The following ZNF732 variants were observed in gnomAD, a reference collection of about 807,000 sequenced individuals.
ZNF732 encodes the protein zinc finger protein 732.
ZNF732 carries 12 observed loss-of-function variants against 11.5 expected under a neutral mutation model. The ratio of observed to expected loss-of-function variants is 1.05; its 90% CI spans 0.67 to 1.70. The LOEUF (loss-of-function observed/expected upper bound fraction) is 1.70. ZNF732 is among the 40% of genes most tolerant of loss of function. ZNF732 has a pLI of 0.00. For missense variants in ZNF732, 702 were observed against 676.9 expected (o/e 1.04, Z -0.41); for synonymous variants, 231 against 236.5 (o/e 0.98, Z 0.21).
intron 3 of ZNF732, among the ~76,000 whole-genome samples, chr4:292,108 C>T (rs945032029): frequency 6.6e-6 from 1 of 152,038 alleles, no homozygotes; most frequent in Non-Finnish European, 1.5e-5. Context: ...CTTAGAACTC[C>T]CGAAGAACAT....
rs1553837479 is a variant in ZNF732 at position 271,609 on chromosome 4, C to A, written c.1248G>T (p.Arg416Ser). 1.2e-6 allele frequency: 2 copies of A among 1,611,320 alleles called. No individual in the cohort carries two copies. The highest frequency in any genetic ancestry group is 4.5e-5 in the East Asian group (2 of 44,748). Residue 416 changes from arginine to serine, a missense_variant, in exon 4 of 4, where the codon AGG (arginine) becomes AGT (serine). Coordinates refer to ENST00000419098, the MANE Select transcript of ZNF732 (RefSeq NM_001137608.3). Reference sequence around the variant, plus strand: ...TGCCACACTCTTCACATTTGTGGGGCCTCTCTCCAGTATGAATTCTCTTAT... The same window carrying A: ...TGCCACACTCTTCACATTTGTGGGGACTCTCTCCAGTATGAATTCTCTTAT... ...NEHKRIHTGE[R>S]PHKCEECGKA...
Position 272,010 on chromosome 4 carries a change from A to G in ZNF732, c.847T>C (p.Cys283Arg). The change falls in exon 4 of 4, where the codon TGT becomes CGT. Residue 283 changes from cysteine (C) to arginine (R), a missense_variant. By Grantham distance (180) the Cys-to-Arg change is radical. Transcript: ENST00000419098. The part of the protein sequence containing the change: ...AEEKPFTCEE[C>R]GKIITSSSNV... The stretch of plus-strand genomic sequence containing the variant: ...GAGGATGAGGTAATGATTTTGCCAC[A>G]TTCTTCACATGTGAAGGGTTTCTCT... The G allele has an allele frequency of 6.2e-7, 1 of 1,609,514 alleles. No individual in the cohort carries two copies. Among genetic ancestry groups the G allele is most frequent in the South Asian group, 1.1e-5 (1 of 90,654 alleles).
chr4:273,843 A>T (rs1019008214), intron 3 of ZNF732, among the ~76,000 whole-genome samples: 1 of 151,738 alleles, frequency 6.6e-6, no homozygotes, highest in East Asian at 1.9e-4. Flanking sequence ...CAACAGAAAG[A>T]ATTGGGATAT....
chr4:270,936 G>T lies in ZNF732; in HGVS notation c.*163C>A. The T allele has an allele frequency of 1.3e-6, 1 of 771,628 alleles. No homozygotes were observed. Among genetic ancestry groups the T allele is most frequent in the South Asian group, 1.5e-5 (1 of 64,622 alleles). The allele number at this position is 771,628 out of a possible 1,614,324, so 47.8% of individuals were successfully genotyped here. A position where few individuals can be genotyped will look rare whatever the true frequency, so the allele number is the denominator to read the frequency against. ...CTTTCCCACATTCTTTACATTTGTA[G>T]GGTTTTTCTCCAGTATGAATTCTTA... On this transcript the variant is annotated 3_prime_UTR_variant, in exon 4 of 4. Transcript: ENST00000419098.
intron 3 of ZNF732, among the ~76,000 whole-genome samples, chr4:279,066 G>C (rs1032589621): frequency 6.6e-6 from 1 of 151,866 alleles, no homozygotes; most frequent in Non-Finnish European, 1.5e-5. Flanking sequence ...CTCCCCTCAC[G>C]CGTTTCCCGC....
At position 284,903 on chromosome 4, in the gene ZNF732, A is replaced by G. The variant is rs1156822893; in HGVS notation, c.226+10535T>C. 1.5e-3 allele frequency among the ~76,000 whole-genome samples: 227 copies of G among 147,112 alleles called. 1 individual carries two copies. Among genetic ancestry groups the G allele is most frequent in the East Asian group, 3.2e-3 (16 of 5,040 alleles). ...AAAAAAAAAAAAAAAAGAAGAAGAAAAAGAAACAAACAAAAAACAAAAAAG... is the reference window on the plus strand; with the variant it reads ...AAAAAAAAAAAAAAAAGAAGAAGAAGAAGAAACAAACAAAAAACAAAAAAG... On this transcript the variant is annotated intron_variant, in intron 3 of 3. Coordinates refer to ENST00000419098, the MANE Select transcript of ZNF732 (RefSeq NM_001137608.3).
intron 1 of ZNF732, among the ~76,000 whole-genome samples, chr4:297,630 A>AC (rs1429196544): frequency 6.6e-6 from 1 of 150,936 alleles, no homozygotes; most frequent in Non-Finnish European, 1.5e-5. Flanking sequence ...AAAAAAAAAA[A>AC]AACTGCAGGG....
chr4:280,438 G>A (rs895050466), intron 3 of ZNF732, among the ~76,000 whole-genome samples: 4 of 152,056 alleles, frequency 2.6e-5, no homozygotes, highest in South Asian at 2.1e-4. Context: ...AAAATTAGCC[G>A]GGTGTGGTGG....
intron 3 of ZNF732, among the ~76,000 whole-genome samples, chr4:285,387 G>T (rs1321123775): frequency 2.0e-5 from 3 of 152,298 alleles, no homozygotes; most frequent in South Asian, 2.1e-4. Context: ...TACTGGTGCA[G>T]ATTGAAGATC....
At chr4:305,258 G>A in intron 1 of ZNF732, 50 bp downstream of exon 1, 1 of 1,587,058 alleles carries the variant, frequency 6.3e-7, no homozygotes, top group Non-Finnish European at 8.5e-7. Context: ...ATTTCCCGCC[G>A]GTTCGGATGA....
chr4:271,860 G>T lies in ZNF732; in HGVS notation c.997C>A (p.Pro333Thr). Residue 333 changes from proline to threonine, a missense_variant, in exon 4 of 4, where the codon CCC (proline) becomes ACC (threonine). Coordinates refer to ENST00000419098, the MANE Select transcript of ZNF732 (RefSeq NM_001137608.3). ...KHNRIHTGEKPYTCEECGKAF... is the reference protein window; with the variant it reads ...KHNRIHTGEKTYTCEECGKAF... ...TTGCCACATTCTTCACATGTGTAGG[G>T]TTTCTCTCCAGTATGAATTCTGTTA... is the stretch of plus-strand genomic sequence containing the variant. The T allele has an allele frequency of 6.2e-7, 1 of 1,613,522 alleles. No individual in the cohort carries two copies. Among genetic ancestry groups the T allele is most frequent in the East Asian group, 2.2e-5 (1 of 44,852 alleles).
intron 3 of ZNF732, among the ~76,000 whole-genome samples, chr4:287,107 C>T (rs902472371): frequency 1.3e-5 from 2 of 152,028 alleles, no homozygotes; most frequent in Admixed American, 6.6e-5. Context: ...GCCAAGATGG[C>T]GCCACTGCAC....
intron 3 of ZNF732, among the ~76,000 whole-genome samples, chr4:287,941 T>G (rs1188781568): frequency 1.4e-5 from 2 of 147,782 alleles, no homozygotes; most frequent in Non-Finnish European, 3.0e-5. Context: ...CTACATTCTT[T>G]ACAACATTTT....
rs782744159 is a variant in ZNF732, at chr4:271,640, T to C, written c.1217A>G (p.Asn406Ser). Reference sequence around the variant, plus strand: ...TCCAGTATGAATTCTCTTATGTTCATTAAGGGTTGTGAACCGACTAAAGGC... The same window carrying C: ...TCCAGTATGAATTCTCTTATGTTCACTAAGGGTTGTGAACCGACTAAAGGC... ...GKAFSRFTTL[N>S]EHKRIHTGER... Residue 406 changes from asparagine to serine, a missense_variant, in exon 4 of 4, where the codon AAT becomes AGT. Transcript: ENST00000419098. The C allele has an allele frequency of 1.2e-6, 2 of 1,610,388 alleles. No homozygotes were observed. Among genetic ancestry groups the C allele is most frequent in the African/African-American group, 1.3e-5 (1 of 74,692 alleles).
intron 3 of ZNF732, among the ~76,000 whole-genome samples, chr4:294,717 G>T (rs1278282912): frequency 6.6e-6 from 1 of 152,146 alleles, no homozygotes; most frequent in African/African-American, 2.4e-5. Context: ...TAGTATTAAT[G>T]TATTTCACGT....
intron 3 of ZNF732, among the ~76,000 whole-genome samples, chr4:294,295 C>A (rs1719902111): frequency 6.6e-6 from 1 of 152,208 alleles, no homozygotes; most frequent in Non-Finnish European, 1.5e-5. Context: ...GCAAGGCACC[C>A]AGCCCTAAAA....
At chr4:299,436 T>TAC (rs1720045882) in intron 1 of ZNF732, among the ~76,000 whole-genome samples, 1 of 2,888 alleles carries the variant, frequency 3.5e-4, no homozygotes, top group Non-Finnish European at 7.8e-4. Context: ...CACATATGTG[T>TAC]ATATATATAT....
chr4:293,338 GACT>G (rs1553841688), intron 3 of ZNF732, among the ~76,000 whole-genome samples: 1 of 147,724 alleles, frequency 6.8e-6, no homozygotes, highest in African/African-American at 2.5e-5. Flanking sequence ...ACACACAGTA[GACT>G]ACTATTCAGC....
Position 272,484 on chromosome 4 carries a change from C to A in ZNF732, c.373G>T (p.Gly125Cys), listed in dbSNP as rs1553837967. The A allele has an allele frequency of 3.1e-6, 5 of 1,602,858 alleles. No homozygotes were observed. The highest frequency in any genetic ancestry group is 3.4e-6 in the Non-Finnish European group (4 of 1,173,892). The change falls in exon 4 of 4, where the codon GGT becomes TGT. Residue 125 changes from glycine to cysteine, a missense_variant. This residue lies in a region of ZNF732 where 596 missense variants were observed against 557.9 expected (regional missense o/e 1.07). Transcript: ENST00000419098. ...KSCKRKVQKGGYNEFNQCLST... is the reference protein window; with the variant it reads ...KSCKRKVQKGCYNEFNQCLST... ...AAGCATTGATTAAATTCATTATAAC[C>A]TCCTTTCTGCACCTTCCTTTTACAG...
Sources: allele counts gnomAD v4.1 joint callset (sites outside exome capture counted in the v4.1 genomes callset), GRCh38; gene constraint gnomAD v4.1.1; regional missense constraint gnomAD v4.1.1; transcripts MANE v1.5; gene names NCBI Gene and HGNC (gene_info 2026-07-23, HGNC 2026-07-21).